Variants in ARFGEF1 observed in about 807,000 individuals in gnomAD.
ARFGEF1 encodes the protein brefeldin A-inhibited guanine nucleotide-exchange protein 1.
A neutral mutation model predicts 231.0 loss-of-function variants in ARFGEF1; 42 were observed. The ratio of observed to expected loss-of-function variants is 0.18; its 90% CI spans 0.14 to 0.24. The LOEUF is 0.24. Among genes scored for constraint, ARFGEF1 ranks in the 10% least tolerant of loss-of-function variants. ARFGEF1 has a pLI of 1.00. For synonymous variants in ARFGEF1, 710 were observed against 732.3 expected (o/e 0.97, Z 0.49); for missense variants, 1,345 against 2,192.0 (o/e 0.61, Z 7.72).
At chr8:67,270,973 G>A (rs868107829) in intron 10 of ARFGEF1, among the ~76,000 whole-genome samples, 1 of 143,112 alleles carries the variant, frequency 7.0e-6, no homozygotes, top group Non-Finnish European at 1.5e-5. Context: ...GTGCTGAGTC[G>A]GAATCGCACC....
intron 10 of ARFGEF1, among the ~76,000 whole-genome samples, chr8:67,271,045 G>GAAAAAAAAAAAAAAAA (rs1563878469): frequency 1.6e-3 from 110 of 69,370 alleles, no homozygotes; most frequent in Non-Finnish European, 1.8e-3. Context: ...AAAAAAAAAG[G>GAAAAAAAAAAAAAAAA]AAAAAGAAAA....
intron 1 of ARFGEF1, among the ~76,000 whole-genome samples, chr8:67,309,310 A>G (rs1806887047): frequency 6.6e-6 from 1 of 152,236 alleles, no homozygotes; most frequent in Non-Finnish European, 1.5e-5. Context: ...ACAAAATTTC[A>G]GCTAGACCAG....
intron 1 of ARFGEF1, among the ~76,000 whole-genome samples, chr8:67,334,544 A>G (rs2128935545): frequency 6.6e-6 from 1 of 152,356 alleles, no homozygotes; most frequent in South Asian, 2.1e-4. Context: ...ACATAAATTT[A>G]TCAAGTGGCC....
intron 1 of ARFGEF1, among the ~76,000 whole-genome samples, chr8:67,317,762 G>A (rs937854318): frequency 8.6e-5 from 13 of 151,560 alleles, no homozygotes; most frequent in African/African-American, 2.2e-4. Context: ...AGCCAGGCAC[G>A]GTGGCACTTG....
At chr8:67,307,772 C>T (rs1004894093) in intron 1 of ARFGEF1, among the ~76,000 whole-genome samples, 8 of 152,192 alleles carry the variant, frequency 5.3e-5, no homozygotes, top group Admixed American at 3.9e-4. Flanking sequence ...TGCCATACCA[C>T]GTGTTCTTCT....
intron 26 of ARFGEF1, 50 bp from the exon 27 acceptor site, chr8:67,227,359 C>T (rs772737936): frequency 6.3e-7 from 1 of 1,596,438 alleles, no homozygotes; most frequent in East Asian, 2.2e-5. Flanking sequence ...TAAAACTCAT[C>T]AGTTTTTCCC....
At chr8:67,253,706 A>G in intron 17 of ARFGEF1, 84 bp from the exon 18 acceptor site, 1 of 730,044 alleles carries the variant, frequency 1.4e-6, no homozygotes, top group South Asian at 4.2e-5. Flanking sequence ...TTTACATAAG[A>G]GATTTTGTAA....
In ARFGEF1 at chr8:67,211,571, T is replaced by C. The variant is rs189506001; in HGVS notation, c.4731A>G (p.Gln1577=). 5.8e-5 allele frequency: 91 copies of C among 1,563,954 alleles called. No homozygotes were observed. Among genetic ancestry groups the C allele is most frequent in the Middle Eastern group, 1.8e-4 (1 of 5,698 alleles). ...QKSVDIHDSI[Q]PRSVDNRPQA... is the part of the protein sequence containing the mutation. ...GTGGTCTGTTATCCACAGACCTTGGTTGAATAGAATCATGAATATCTACAG... is the reference window on the plus strand; with the variant it reads ...GTGGTCTGTTATCCACAGACCTTGGCTGAATAGAATCATGAATATCTACAG... Residue 1577 remains glutamine, a synonymous_variant, in exon 34 of 39, where the codon CAA becomes CAG. Transcript: ENST00000262215.
At chr8:67,217,949 A>G (rs750624352) in intron 31 of ARFGEF1, 29 bp from the exon 32 acceptor site, 12 of 1,612,920 alleles carry the variant, frequency 7.4e-6, no homozygotes, top group Non-Finnish European at 1.0e-5. Context: ...ATTCATTTAT[A>G]TATTACCAGG....
intron 13 of ARFGEF1, among the ~76,000 whole-genome samples, chr8:67,266,626 A>G (rs997244751): frequency 3.3e-5 from 5 of 152,178 alleles, no homozygotes; most frequent in African/African-American, 1.2e-4. Context: ...ATAATACAAG[A>G]AAGTTGCATA....
intron 23 of ARFGEF1, 131 bp from the exon 24 acceptor site, chr8:67,228,395 A>G: frequency 1.4e-6 from 1 of 737,240 alleles, no homozygotes; most frequent in Non-Finnish European, 2.2e-6. Flanking sequence ...TCAAATGAGT[A>G]TTTTTCATCA....
At chr8:67,270,972 C>G (rs570055681) in intron 10 of ARFGEF1, among the ~76,000 whole-genome samples, 1 of 134,250 alleles carries the variant, frequency 7.4e-6, no homozygotes, top group Non-Finnish European at 1.5e-5. Flanking sequence ...TGTGCTGAGT[C>G]GGAATCGCAC....
intron 6 of ARFGEF1, among the ~76,000 whole-genome samples, chr8:67,289,436 C>G (rs1805903772): frequency 6.7e-6 from 1 of 148,520 alleles, no homozygotes; most frequent in Non-Finnish European, 1.5e-5. Flanking sequence ...TGCCTATAGT[C>G]TTAGTTACTT....
intron 6 of ARFGEF1, among the ~76,000 whole-genome samples, chr8:67,289,549 C>CA (rs552601455): frequency 0.27 from 11,851 of 44,298 alleles, 1,813 homozygotes; most frequent in East Asian, 0.44. Context: ...ACTCTGTATC[C>CA]AAAAAAAAAA....
rs187764003 is a variant in ARFGEF1, at chr8:67,257,187, C to T, written c.2526+545G>A. On this transcript the variant is annotated intron_variant, in intron 17 of 38. Coordinates refer to ENST00000262215, the MANE Select transcript of ARFGEF1 (RefSeq NM_006421.5). ...CTTGTGCCTCCCAGGCTCAAGCGAT[C>T]GTCCCACCTTAGCCCTCCAAGTAGT... 4.4e-3 allele frequency among the ~76,000 whole-genome samples: 675 copies of T among 152,100 alleles called. 9 individuals carry two copies. The highest frequency in any genetic ancestry group is 0.015 in the African/African-American group (639 of 41,488).
At chr8:67,202,136 A>G (rs1415239230) in intron 36 of ARFGEF1, among the ~76,000 whole-genome samples, 1 of 152,262 alleles carries the variant, frequency 6.6e-6, no homozygotes, top group Non-Finnish European at 1.5e-5. Flanking sequence ...ATAAGCAAAC[A>G]TTAAGCACCA....
chr8:67,197,673 T>C lies in ARFGEF1; in HGVS notation c.*1261A>G. 1 of 985,862 alleles carries C rather than the reference T, an allele frequency of 1.0e-6. No individual in the cohort carries two copies. The highest frequency in any genetic ancestry group is 1.2e-6 in the Non-Finnish European group (1 of 829,924). The allele number at this position is 985,862 out of a possible 1,614,324, so 61.1% of individuals were successfully genotyped here. ...GTTATACAGGTTTTGATTGCACTGATGAAATAATTCAAAAACTTTATTGAC... is the reference window on the plus strand; with the variant it reads ...GTTATACAGGTTTTGATTGCACTGACGAAATAATTCAAAAACTTTATTGAC... On this transcript the variant is annotated 3_prime_UTR_variant, in exon 39 of 39. Transcript: ENST00000262215.
intron 9 of ARFGEF1, 34 bp downstream of exon 9, chr8:67,275,942 C>G (rs1805295533): frequency 6.2e-7 from 1 of 1,610,422 alleles, no homozygotes; most frequent in East Asian, 2.2e-5. Flanking sequence ...GCCTAAAAAC[C>G]TCTATTTGTC....
At chr8:67,224,464 T>C (rs566246257) in intron 29 of ARFGEF1, among the ~76,000 whole-genome samples, 1 of 152,324 alleles carries the variant, frequency 6.6e-6, no homozygotes, top group African/African-American at 2.4e-5. Context: ...TAGCTCTATA[T>C]TATTCCAAAC....
Sources: allele counts gnomAD v4.1 joint callset (sites outside exome capture counted in the v4.1 genomes callset), GRCh38; gene constraint gnomAD v4.1.1; transcripts MANE v1.5; gene names NCBI Gene and HGNC (gene_info 2026-07-23, HGNC 2026-07-21).